CTNNA1: variants seen among roughly 807,000 people sequenced by gnomAD.
CTNNA1 encodes the protein catenin alpha 1.
CTNNA1 carries 37 observed loss-of-function variants against 98.4 expected under a neutral mutation model. That is an observed-to-expected ratio of 0.38 (90% CI 0.29 to 0.49). The LOEUF (loss-of-function observed/expected upper bound fraction) is 0.49, where lower values mean the gene tolerates loss of function less well. Ranked by LOEUF, CTNNA1 falls within the 20% of genes least tolerant of loss-of-function variation. CTNNA1 has a pLI of 0.95. For missense variants in CTNNA1, 761 were observed against 1,147.2 expected (o/e 0.66, Z 4.86); for synonymous variants, 404 against 413.2 (o/e 0.98, Z 0.27).
At chr5:138,757,494 T>C (rs184310513) in intron 1 of CTNNA1, among the ~76,000 whole-genome samples, 97 of 152,288 alleles carry the variant, frequency 6.4e-4, no homozygotes, top group East Asian at 5.4e-3. Flanking sequence ...GGACTGGATG[T>C]TGGGGGCCTA....
intron 9 of CTNNA1, among the ~76,000 whole-genome samples, chr5:138,899,974 A>G (rs985231053): frequency 2.0e-5 from 3 of 152,188 alleles, no homozygotes; most frequent in African/African-American, 7.2e-5. Flanking sequence ...TCAGTATTGT[A>G]AGATATCTTA....
Position 138,780,728 on chromosome 5 carries a change from C to T in CTNNA1, c.-2-1195C>T, listed in dbSNP as rs550178391. ...ACAGGGTTTATCCTTGTTGGTCAGG[C>T]TGGTGTCGAACTCCCGACCTCAGGT... On this transcript the variant is annotated intron_variant, in intron 1 of 17. Transcript: ENST00000302763. 9.2e-5 allele frequency among the ~76,000 whole-genome samples: 14 copies of T among 151,768 alleles called. No individual in the cohort carries two copies. In the East Asian group the frequency reaches 2.7e-3, roughly 30 times the overall value.
At chr5:138,916,003 C>T (rs551922627) in intron 10 of CTNNA1, among the ~76,000 whole-genome samples, 70 of 152,072 alleles carry the variant, frequency 4.6e-4, no homozygotes, top group Non-Finnish European at 8.5e-4. Context: ...GAGCTGAGAT[C>T]GCGCCACTGC....
chr5:138,839,977 A>T (rs1561580714), intron 7 of CTNNA1, among the ~76,000 whole-genome samples: 1 of 152,192 alleles, frequency 6.6e-6, no homozygotes, highest in Non-Finnish European at 1.5e-5. Flanking sequence ...GAACTTGTTA[A>T]AGCTTGATCA....
chr5:138,782,287 C>T, intron 2 of CTNNA1: 1 of 551,228 alleles, frequency 1.8e-6, no homozygotes. Flanking sequence ...TTGTGCTTTG[C>T]AGATACTTCA....
chr5:138,903,935 C>G (rs1014745045), intron 9 of CTNNA1, among the ~76,000 whole-genome samples: 1 of 152,108 alleles, frequency 6.6e-6, no homozygotes, highest in Admixed American at 6.5e-5. Flanking sequence ...TTTTTTATTT[C>G]CTTCCTTCAA....
intron 7 of CTNNA1, among the ~76,000 whole-genome samples, chr5:138,832,168 A>C (rs1761335469): frequency 6.6e-6 from 1 of 152,218 alleles, no homozygotes; most frequent in South Asian, 2.1e-4. Flanking sequence ...AAGGGTCAGG[A>C]GGCTAGCAGC....
chr5:138,909,104 C>G (rs1329436693), intron 10 of CTNNA1, among the ~76,000 whole-genome samples: 3 of 152,064 alleles, frequency 2.0e-5, no homozygotes, highest in African/African-American at 7.2e-5. Flanking sequence ...CAAACAGCAG[C>G]AGGTTTCTGA....
chr5:138,793,916 AG>A (rs1217116024), intron 3 of CTNNA1, among the ~76,000 whole-genome samples: 1 of 152,004 alleles, frequency 6.6e-6, no homozygotes, highest in African/African-American at 2.4e-5. Flanking sequence ...GGGATGGGGA[AG>A]GGGGGGAAGT....
chr5:138,887,180 G>C (rs1056870209), intron 8 of CTNNA1, among the ~76,000 whole-genome samples: 1 of 152,008 alleles, frequency 6.6e-6, no homozygotes, highest in Non-Finnish European at 1.5e-5. Flanking sequence ...GCTGCTTTCA[G>C]TTCAGCTTTT....
chr5:138,779,747 G>C (rs1467747984), intron 1 of CTNNA1, among the ~76,000 whole-genome samples: 1 of 144,782 alleles, frequency 6.9e-6, no homozygotes, highest in Non-Finnish European at 1.5e-5. Flanking sequence ...ACAAGAGCTT[G>C]CTCTGTTGCC....
At chr5:138,797,321 C>T (rs898774696) in intron 3 of CTNNA1, among the ~76,000 whole-genome samples, 5 of 152,168 alleles carry the variant, frequency 3.3e-5, no homozygotes, top group South Asian at 2.1e-4. Flanking sequence ...TGATTAAGCT[C>T]TGTCGATATT....
At chr5:138,803,554 G>A (rs986526673) in intron 3 of CTNNA1, among the ~76,000 whole-genome samples, 3 of 152,090 alleles carry the variant, frequency 2.0e-5, no homozygotes, top group African/African-American at 4.8e-5. Context: ...TGTCTTCTTC[G>A]TTGTCTTGTG....
intron 1 of CTNNA1, among the ~76,000 whole-genome samples, chr5:138,776,674 C>T (rs1485315140): frequency 1.3e-5 from 2 of 148,986 alleles, no homozygotes; most frequent in Non-Finnish European, 3.0e-5. Flanking sequence ...GGGCGGGGGG[C>T]TGACCCCCCC....
chr5:138,798,331 A>G (rs1757183245), intron 3 of CTNNA1, among the ~76,000 whole-genome samples: 1 of 152,250 alleles, frequency 6.6e-6, no homozygotes, highest in Admixed American at 6.5e-5. Context: ...ACAGCTGCCA[A>G]ATATCGAAGC....
At position 138,934,045 on chromosome 5, in the gene CTNNA1, C is replaced by T. The variant is rs1766017682; in HGVS notation, c.2677C>T (p.Pro893Ser). 6.2e-7 allele frequency: 1 copy of T among 1,613,628 alleles called. No homozygotes were observed. The highest frequency in any genetic ancestry group is 1.7e-5 in the Admixed American group (1 of 59,996). ...GGCATCTCAGAAGAAGCACGTGAAC[C>T]CGGTGCAGGCCCTCAGCGAGTTCAA... is the stretch of plus-strand genomic sequence containing the variant. ...KRASQKKHVN[P>S]VQALSEFKAM... Residue 893 changes from proline to serine, a missense_variant, in exon 18 of 18, where the codon CCG becomes TCG. By Grantham distance (74) the Pro-to-Ser change is moderately conservative. Around this residue, in one of 6 missense-constraint regions of CTNNA1, gnomAD observed 57 missense variants for 90.9 expected, o/e 0.63. Transcript: ENST00000302763.
intron 5 of CTNNA1, among the ~76,000 whole-genome samples, chr5:138,817,466 G>A (rs937346490): frequency 2.0e-5 from 3 of 152,166 alleles, no homozygotes; most frequent in African/African-American, 7.2e-5. Flanking sequence ...TCTCTCCCCA[G>A]ACTTGGGAAG....
At chr5:138,932,378 CT>C in intron 16 of CTNNA1, 199 bp from the exon 17 acceptor site, 1 of 1,409,256 alleles carries the variant, frequency 7.1e-7, no homozygotes, top group Non-Finnish European at 9.2e-7. Flanking sequence ...CCATGGACGA[CT>C]TCCATCAGCT....
chr5:138,893,166 C>T (rs968855626), intron 9 of CTNNA1, among the ~76,000 whole-genome samples: 35 of 152,302 alleles, frequency 2.3e-4, no homozygotes, highest in Middle Eastern at 3.4e-3. Context: ...CCAGCCCTCA[C>T]GGAACACCTG....
Sources: gnomAD v4.1 joint callset for allele counts (sites outside exome capture counted in the v4.1 genomes callset) on GRCh38, gnomAD v4.1.1 for gene constraint, gnomAD v4.1.1 regional missense constraint, MANE v1.5 for transcripts, NCBI Gene and HGNC (gene_info 2026-07-23, HGNC 2026-07-21) for gene names.